The following PLEK2 variants were observed in gnomAD, a reference collection of about 807,000 sequenced individuals.
PLEK2 encodes pleckstrin-2.
In PLEK2, 29 loss-of-function variants were observed where a neutral mutation model predicts 43.8. The ratio of observed to expected loss-of-function variants is 0.66; its 90% confidence interval spans 0.49 to 0.90. The LOEUF (loss-of-function observed/expected upper bound fraction) is 0.90. Ranked by LOEUF, PLEK2 falls within the 40% of genes least tolerant of loss-of-function variation. The pLI is 0.00. For synonymous variants in PLEK2, 162 were observed against 173.2 expected (o/e 0.94, Z 0.51); for missense variants, 398 against 448.1 (o/e 0.89, Z 1.01).
At chr14:67,396,830 A>G (rs1266246601) in intron 2 of PLEK2, among the ~76,000 whole-genome samples, 3 of 152,252 alleles carry the variant, frequency 2.0e-5, no homozygotes, top group African/African-American at 2.4e-5. Flanking sequence ...TGCTTTCCCA[A>G]TAAAATCAGC....
chr14:67,394,948 C>T (rs2085995938), intron 3 of PLEK2, among the ~76,000 whole-genome samples: 1 of 152,200 alleles, frequency 6.6e-6, no homozygotes, highest in African/African-American at 2.4e-5. Flanking sequence ...GCAGAGAACT[C>T]CCACCAGCAA....
intron 7 of PLEK2, among the ~76,000 whole-genome samples, chr14:67,389,696 A>G (rs778697626): frequency 1.3e-4 from 20 of 151,974 alleles, no homozygotes; most frequent in Non-Finnish European, 2.4e-4. Flanking sequence ...CTGAGACAGC[A>G]GACTCATCAG....
At chr14:67,402,934 C>G (rs974179373) in intron 1 of PLEK2, among the ~76,000 whole-genome samples, 1 of 152,148 alleles carries the variant, frequency 6.6e-6, no homozygotes, top group African/African-American at 2.4e-5. Context: ...TGGGTATATA[C>G]CCAGCAGTGG....
At chr14:67,393,321 G>A in intron 3 of PLEK2, 80 bp from the exon 4 acceptor site, 1 of 941,686 alleles carries the variant, frequency 1.1e-6, no homozygotes, top group Non-Finnish European at 1.8e-6. Context: ...TCACTGCTAA[G>A]GGTATAAAGC....
At chr14:67,390,203 A>G (rs2085956401) in intron 7 of PLEK2, among the ~76,000 whole-genome samples, 1 of 152,220 alleles carries the variant, frequency 6.6e-6, no homozygotes, top group African/African-American at 2.4e-5. Flanking sequence ...TTAAAAAGCA[A>G]ATTAGTAAAT....
At chr14:67,403,460 A>C (rs2086061114) in intron 1 of PLEK2, among the ~76,000 whole-genome samples, 1 of 152,198 alleles carries the variant, frequency 6.6e-6, no homozygotes, top group Non-Finnish European at 1.5e-5. Context: ...TTTTTGTCTG[A>C]CTGTATGGTC....
intron 8 of PLEK2, 152 bp from the exon 9 acceptor site, chr14:67,387,608 T>C: frequency 1.3e-6 from 1 of 787,628 alleles, no homozygotes; most frequent in Admixed American, 3.3e-5. Flanking sequence ...TCCTATCAGA[T>C]GAGGTCCCCT....
intron 2 of PLEK2, among the ~76,000 whole-genome samples, chr14:67,396,186 C>T (rs1227760661): frequency 2.2e-5 from 3 of 134,266 alleles, no homozygotes; most frequent in African/African-American, 6.6e-5. Flanking sequence ...CTTGCTCTGT[C>T]GCCCAGGCTG....
intron 1 of PLEK2, among the ~76,000 whole-genome samples, chr14:67,399,247 G>T (rs2086030966): frequency 6.6e-6 from 1 of 152,018 alleles, no homozygotes; most frequent in Admixed American, 6.5e-5. Context: ...TGGCTGTCAG[G>T]TGGCAGGAAT....
chr14:67,393,057 G>T, intron 4 of PLEK2, 93 bp downstream of exon 4: 1 of 1,046,798 alleles, frequency 9.6e-7, no homozygotes, highest in Non-Finnish European at 1.5e-6. Flanking sequence ...AGGCAGCTCT[G>T]ACCTCAATAC....
chr14:67,405,899 T>C (rs1280649622), intron 1 of PLEK2, among the ~76,000 whole-genome samples: 4 of 152,138 alleles, frequency 2.6e-5, no homozygotes, highest in African/African-American at 4.8e-5. Context: ...CCTGAGCCAG[T>C]CTTGCAGCTA....
At chr14:67,394,698 T>C (rs952525622) in intron 3 of PLEK2, among the ~76,000 whole-genome samples, 6 of 152,192 alleles carry the variant, frequency 3.9e-5, no homozygotes, top group Admixed American at 2.0e-4. Context: ...GTGGTTTGAA[T>C]GTTTATCCCA....
At chr14:67,394,151 C>A (rs2085989687) in intron 3 of PLEK2, among the ~76,000 whole-genome samples, 1 of 152,166 alleles carries the variant, frequency 6.6e-6, no homozygotes, top group Non-Finnish European at 1.5e-5. Context: ...TTCTTTTCTT[C>A]TCCTTATCTA....
In PLEK2 at chr14:67,397,822, T is replaced by C; in HGVS notation, c.47A>G (p.His16Arg). 6.2e-7 allele frequency: 1 copy of C among 1,609,554 alleles called. No homozygotes were observed. Among genetic ancestry groups the C allele is most frequent in the Middle Eastern group, 1.7e-4 (1 of 6,052 alleles). Residue 16 changes from histidine to arginine, a missense_variant, in exon 2 of 9, where the codon CAC becomes CGC. Transcript: ENST00000216446. ...TCGCGCCTTCCAGTTGTGGACAATGTGGCCCTATGGACAGACAAGAAAGCC... is the reference window on the plus strand; with the variant it reads ...TCGCGCCTTCCAGTTGTGGACAATGCGGCCCTATGGACAGACAAGAAAGCC... ...LKEGFLVKRGHIVHNWKARWF... is the reference protein window; with the variant it reads ...LKEGFLVKRGRIVHNWKARWF...
chr14:67,393,072 C>T lies in PLEK2; in HGVS notation c.481+78G>A, dbSNP rs1275262570. ...AGGCAGCTCTGACCTCAATACAGGG[C>T]GGTCAAGCACACAGCTGAGCCCTGC... On this transcript the variant is annotated intron_variant, in intron 4 of 8. Transcript: ENST00000216446. The T allele has an allele frequency of 4.2e-5, 47 of 1,126,012 alleles. No individual in the cohort carries two copies. The East Asian group carries it at 6.3e-4, about 15-fold the overall frequency. The allele number at this position is 1,126,012 out of a possible 1,614,324, so 69.8% of individuals were successfully genotyped here. A position where few individuals can be genotyped will look rare whatever the true frequency, so the allele number is the denominator to read the frequency against.
rs185648616 is a variant in PLEK2 at position 67,397,738 on chromosome 14, A to G, written c.131T>C (p.Val44Ala). The change falls in exon 2 of 9, where the codon GTG becomes GCG. Residue 44 changes from valine to alanine, a missense_variant. By Grantham distance (64) the Val-to-Ala change is moderately conservative. Coordinates refer to ENST00000216446, the MANE Select transcript of PLEK2 (RefSeq NM_016445.3). ...GAGGATCCGGCCCTTGGGAGGGGTC[A>G]CTCTCCGACCCCCCTCAAGCTTGTA... ...VYYKLEGGRR[V>A]TPPKGRILLD... 6.2e-7 allele frequency: 1 copy of G among 1,612,504 alleles called. No homozygotes were observed. The highest frequency in any genetic ancestry group is 1.3e-5 in the African/African-American group (1 of 74,828).
At chr14:67,396,071 A>G (rs951581083) in intron 2 of PLEK2, among the ~76,000 whole-genome samples, 6 of 152,174 alleles carry the variant, frequency 3.9e-5, no homozygotes, top group Non-Finnish European at 8.8e-5. Context: ...CTAAGCATCA[A>G]GTCTTTCACA....
At chr14:67,404,309 T>TTTACTCATA (rs1336266438) in intron 1 of PLEK2, among the ~76,000 whole-genome samples, 1 of 152,042 alleles carries the variant, frequency 6.6e-6, no homozygotes, top group African/African-American at 2.4e-5. Flanking sequence ...GCAAAGCACT[T>TTTACTCATA]TTACTCATAT....
At chr14:67,409,026 G>A (rs2086099482) in intron 1 of PLEK2, among the ~76,000 whole-genome samples, 1 of 150,902 alleles carries the variant, frequency 6.6e-6, no homozygotes. Context: ...ACCAGCCTGG[G>A]CAACATGGTG....
Sources: allele counts gnomAD v4.1 joint callset (sites outside exome capture counted in the v4.1 genomes callset), GRCh38; gene constraint gnomAD v4.1.1; transcripts MANE v1.5; gene names NCBI Gene and HGNC (gene_info 2026-07-23, HGNC 2026-07-21).